RB1: variants seen among roughly 807,000 people sequenced by gnomAD.
RB1 encodes RB transcriptional corepressor 1.
A neutral mutation model predicts 135.4 loss-of-function variants in RB1; 18 were observed. The ratio of observed to expected loss-of-function variants is 0.13; its 90% CI spans 0.09 to 0.20. The LOEUF (loss-of-function observed/expected upper bound fraction) is 0.20. Among genes scored for constraint, RB1 ranks in the 10% least tolerant of loss-of-function variants. The probability of loss-of-function intolerance (pLI) is 1.00; values close to 1 mark genes in which losing one functional copy is unlikely to be tolerated. For missense variants in RB1, 868 were observed against 1,110.0 expected, an observed-to-expected ratio of 0.78 and a Z score of 3.10; for synonymous variants, 365 against 373.2, an observed-to-expected ratio of 0.98 and a Z score of 0.25.
At chr13:48,450,663 A>G (rs1949321211) in intron 17 of RB1, among the ~76,000 whole-genome samples, 1 of 152,106 alleles carries the variant, frequency 6.6e-6, no homozygotes, top group Admixed American at 6.5e-5. Flanking sequence ...TTGATTCCAT[A>G]TGAATTTTAT....
At chr13:48,317,129 G>A (rs1952191341) in intron 2 of RB1, 1 of 908,360 alleles carries the variant, frequency 1.1e-6, no homozygotes, top group Admixed American at 3.3e-5. Context: ...AGACAGGGCT[G>A]GGCCCGGCCT....
In RB1 at chr13:48,307,206, AT is replaced by A. The variant is rs1251208208; in HGVS notation, c.138-72del. On this transcript the variant is annotated intron_variant, in intron 1 of 26. Transcript: ENST00000267163. ...TTCACAGTAGTGTTATGTGCAAACT[AT>A]TGAAACAAGTATGTACTGAATCAAT... The A allele has an allele frequency of 3.9e-6, 5 of 1,288,210 alleles. No individual in the cohort carries two copies. The East Asian group carries it at 1.2e-4, about 30-fold the overall frequency. 79.8% of individuals were successfully genotyped at this position (1,288,210 alleles called of 1,614,324 possible). A position where few individuals can be genotyped will look rare whatever the true frequency, so the allele number is the denominator to read the frequency against.
intron 17 of RB1, among the ~76,000 whole-genome samples, chr13:48,452,667 G>T (rs1949334942): frequency 6.6e-6 from 1 of 151,850 alleles, no homozygotes; most frequent in Non-Finnish European, 1.5e-5. Flanking sequence ...TTTGTTTTCA[G>T]TTTCATTAAG....
At chr13:48,382,235 A>G (rs1948541875) in intron 17 of RB1, among the ~76,000 whole-genome samples, 1 of 152,192 alleles carries the variant, frequency 6.6e-6, no homozygotes, top group African/African-American at 2.4e-5. Context: ...CAGTAATGAG[A>G]TGGCTGGGTC....
intron 17 of RB1, among the ~76,000 whole-genome samples, chr13:48,409,868 C>T (rs985932482): frequency 1.2e-4 from 18 of 151,844 alleles, no homozygotes; most frequent in Non-Finnish European, 1.5e-4. Context: ...TGTGAACCAC[C>T]GTGCCCGGCC....
At chr13:48,316,397 G>A (rs1449582353) in intron 2 of RB1, among the ~76,000 whole-genome samples, 1 of 152,092 alleles carries the variant, frequency 6.6e-6, no homozygotes, top group Non-Finnish European at 1.5e-5. Flanking sequence ...TGCAGCCACC[G>A]ACGGACATTC....
At chr13:48,466,491 C>T (rs904471333) in intron 23 of RB1, among the ~76,000 whole-genome samples, 18 of 150,656 alleles carry the variant, frequency 1.2e-4, no homozygotes, top group African/African-American at 1.7e-4. Flanking sequence ...AACTCTAAAA[C>T]GCAGAGCGCC....
intron 6 of RB1, among the ~76,000 whole-genome samples, chr13:48,359,770 T>C (rs1952622181): frequency 6.6e-6 from 1 of 151,272 alleles, no homozygotes; most frequent in African/African-American, 2.4e-5. Context: ...TACTTAAATG[T>C]AAAATTCTCA....
intron 17 of RB1, among the ~76,000 whole-genome samples, chr13:48,441,679 T>A (rs1448527831): frequency 1.3e-5 from 2 of 152,152 alleles, no homozygotes; most frequent in Non-Finnish European, 2.9e-5. Context: ...TGTTTAATCA[T>A]CAAGCAATTT....
At position 48,480,333 on chromosome 13, in the gene RB1, A is replaced by C. The variant is rs1949530962; in HGVS notation, c.*262A>C. The C allele has an allele frequency of 1.9e-6, 1 of 518,584 alleles. No homozygotes were observed. The highest frequency in any genetic ancestry group is 3.5e-6 in the Non-Finnish European group (1 of 286,260). The allele number at this position is 518,584 out of a possible 1,614,324, so 32.1% of individuals were successfully genotyped here. On this transcript the variant is annotated 3_prime_UTR_variant, in exon 27 of 27. Transcript: ENST00000267163. ...TTGTAGCAGATTGTTTCCTCTTCCA[A>C]AGTAAAATTGCTGTGCTTTATGGAT...
intron 26 of RB1, among the ~76,000 whole-genome samples, chr13:48,478,068 G>A (rs1949514993): frequency 1.3e-5 from 2 of 152,150 alleles, no homozygotes; most frequent in Admixed American, 6.5e-5. Flanking sequence ...GGTAGTTATG[G>A]TAGTGAGTGT....
In RB1 at chr13:48,465,149, G is replaced by A. The variant is rs1489293199; in HGVS notation, c.2325+38G>A. 1.9e-6 allele frequency: 3 copies of A among 1,613,018 alleles called. No homozygotes were observed. In the South Asian group the frequency reaches 3.3e-5, roughly 18 times the overall value. On this transcript the variant is annotated intron_variant, in intron 22 of 26. Transcript: ENST00000267163. ...TATCCTTTGATTGGAAAAATCTAATGTAATGGGTCCACCAAAACATTAAAT... is the reference window on the plus strand; with the variant it reads ...TATCCTTTGATTGGAAAAATCTAATATAATGGGTCCACCAAAACATTAAAT...
chr13:48,441,678 A>G (rs1949238163), intron 17 of RB1, among the ~76,000 whole-genome samples: 1 of 152,188 alleles, frequency 6.6e-6, no homozygotes, highest in Non-Finnish European at 1.5e-5. Flanking sequence ...GTGTTTAATC[A>G]TCAAGCAATT....
rs577594260 is a variant in RB1 at position 48,354,886 on chromosome 13, C to T, written c.608-5131C>T. The stretch of plus-strand genomic sequence containing the variant: ...CCATATGCAGAAGAATGAAACTAGA[C>T]CCCTATCTGTCACCATATACAAAAA... On this transcript the variant is annotated intron_variant, in intron 6 of 26. Coordinates refer to ENST00000267163, the MANE Select transcript of RB1 (RefSeq NM_000321.3). Among the ~76,000 whole-genome samples, 30 of 152,068 alleles carry T rather than the reference C, an allele frequency of 2.0e-4. No individual in the cohort carries two copies. In the East Asian group the frequency reaches 5.4e-3, roughly 27 times the overall value.
chr13:48,464,980 TTTAC>T lies in RB1; in HGVS notation c.2212-16_2212-13del. The T allele has an allele frequency of 1.3e-6, 2 of 1,483,408 alleles. No individual in the cohort carries two copies. Among genetic ancestry groups the T allele is most frequent in the African/African-American group, 1.5e-5 (1 of 68,748 alleles). 91.9% of individuals were successfully genotyped at this position (1,483,408 alleles called of 1,614,324 possible). A position where few individuals can be genotyped will look rare whatever the true frequency, so the allele number is the denominator to read the frequency against. ...TTACTTTTTTTTTTTTTTTTTTTTT[TTTAC>T]TGTTCTTCCTCAGACATTCAAACGT... On this transcript the variant is annotated splice_polypyrimidine_tract_variant and intron_variant, in intron 21 of 26. Coordinates refer to ENST00000267163, the MANE Select transcript of RB1 (RefSeq NM_000321.3).
Position 48,311,545 on chromosome 13 carries a change from GGTAA to G in RB1, c.264+4143_264+4146del, listed in dbSNP as rs1471708697. On this transcript the variant is annotated intron_variant, in intron 2 of 26. Coordinates refer to ENST00000267163, the MANE Select transcript of RB1 (RefSeq NM_000321.3). Reference sequence around the variant, plus strand: ...ACATTGTAGGCAATTGTAACACAATGGTAAGTATTTGTATATCTATACATAGAAA... The same window carrying G: ...ACATTGTAGGCAATTGTAACACAATGGTATTTGTATATCTATACATAGAAA... Among the ~76,000 whole-genome samples the G allele has an allele frequency of 3.9e-5, 6 of 152,098 alleles. No individual in the cohort carries two copies. The East Asian group carries it at 9.6e-4, about 24-fold the overall frequency.
intron 2 of RB1, among the ~76,000 whole-genome samples, chr13:48,316,675 T>C (rs1952185645): frequency 6.6e-6 from 1 of 151,734 alleles, no homozygotes; most frequent in African/African-American, 2.4e-5. Context: ...TACAGGGCTA[T>C]GTATAACCGA....
intron 23 of RB1, 95 bp from the exon 24 acceptor site, chr13:48,473,265 A>G (rs1949483296): frequency 1.0e-6 from 1 of 976,338 alleles, no homozygotes; most frequent in Admixed American, 1.9e-5. Context: ...TTAATTTGGT[A>G]TTCCTAATAG....
rs746361171 is a variant in RB1 at position 48,456,282 on chromosome 13, A to G, written c.1893A>G (p.Gln631=). 8 of 1,614,252 alleles carry G rather than the reference A, an allele frequency of 5.0e-6. No homozygotes were observed. The South Asian group carries it at 6.6e-5, about 13-fold the overall frequency. Residue 631 remains glutamine (Q), a synonymous_variant, in exon 19 of 27, where the codon CAA becomes CAG. Coordinates refer to ENST00000267163, the MANE Select transcript of RB1 (RefSeq NM_000321.3). ...RVNSTANAET[Q]ATSAFQTQKP... ...ATTCTACTGCAAATGCAGAGACACA[A>G]GCAACCTCAGCCTTCCAGACCCAGA... is the stretch of plus-strand genomic sequence containing the variant.
Sources: gnomAD v4.1 joint callset for allele counts (sites outside exome capture counted in the v4.1 genomes callset) on GRCh38, gnomAD v4.1.1 for gene constraint, MANE v1.5 for transcripts, NCBI Gene and HGNC (gene_info 2026-07-23, HGNC 2026-07-21) for gene names.